The following METTL15 variants were observed in gnomAD, a reference collection of about 807,000 sequenced individuals.
METTL15 encodes the protein methyltransferase 15, mitochondrial 12S rRNA N4-cytidine, also known as 12S rRNA N(4)-cytidine methyltransferase METTL15.
A neutral mutation model predicts 38.3 loss-of-function variants in METTL15; 34 were observed. That is an observed-to-expected ratio of 0.89 (90% CI 0.68 to 1.18). The LOEUF (loss-of-function observed/expected upper bound fraction) is 1.18, where lower values mean the gene tolerates loss of function less well. METTL15 is among the 50% of genes most tolerant of loss of function. The pLI is 0.00. For synonymous variants in METTL15, 162 were observed against 170.9 expected, an observed-to-expected ratio of 0.95 and a Z score of 0.41; for missense variants, 438 against 498.4, an observed-to-expected ratio of 0.88 and a Z score of 1.15.
Position 28,474,110 on chromosome 11 carries a change from A to G in METTL15, c.*424+49746A>G, listed in dbSNP as rs186614743. Among the ~76,000 whole-genome samples the G allele has an allele frequency of 1.1e-4, 16 of 152,190 alleles. No homozygotes were observed. The East Asian group carries it at 2.9e-3, about 28-fold the overall frequency. On this transcript the variant is annotated intron_variant and NMD_transcript_variant, in intron 6 of 7. Coordinates refer to the METTL15 transcript ENST00000532947. ...GAGAGATGCACACAAATACACATGT[A>G]TATACATACTTATAGATGTATAAGT...
intron 3 of METTL15, among the ~76,000 whole-genome samples, chr11:28,169,241 A>T (rs1033981135): frequency 1.3e-5 from 2 of 152,166 alleles, no homozygotes; most frequent in African/African-American, 4.8e-5. Flanking sequence ...AAAAAACTAG[A>T]TAGGGTTATT....
chr11:28,125,490 T>A (rs1181297622), intron 3 of METTL15: 2 of 152,044 alleles, frequency 1.3e-5, no homozygotes, highest in Non-Finnish European at 2.9e-5. Context: ...TGAAATTTTG[T>A]TTCATTTTTT....
At chr11:28,503,790 C>T (rs1426659259) in intron 6 of METTL15, among the ~76,000 whole-genome samples, 1 of 150,774 alleles carries the variant, frequency 6.6e-6, no homozygotes, top group Non-Finnish European at 1.5e-5. Context: ...GGCTCCATCT[C>T]GAGGGGAAAA....
chr11:28,262,377 T>A (rs1006864032), intron 4 of METTL15, among the ~76,000 whole-genome samples: 1 of 150,868 alleles, frequency 6.6e-6, no homozygotes, highest in African/African-American at 2.4e-5. Flanking sequence ...TATATGTGTA[T>A]AGTATAACTG....
intron 6 of METTL15, among the ~76,000 whole-genome samples, chr11:28,499,081 A>G (rs1851559538): frequency 6.6e-6 from 1 of 152,224 alleles, no homozygotes; most frequent in Non-Finnish European, 1.5e-5. Flanking sequence ...AATGAGATCT[A>G]GCTATGATAG....
intron 4 of METTL15, among the ~76,000 whole-genome samples, chr11:28,286,290 G>A (rs1208033329): frequency 1.3e-5 from 2 of 152,122 alleles, no homozygotes; most frequent in Non-Finnish European, 2.9e-5. Flanking sequence ...AAAGTCAGTT[G>A]ATTGTAGATA....
intron 6 of METTL15, among the ~76,000 whole-genome samples, chr11:28,481,810 A>G (rs1468995954): frequency 6.6e-6 from 1 of 152,186 alleles, no homozygotes; most frequent in African/African-American, 2.4e-5. Flanking sequence ...CGCTGGGCTC[A>G]AATACCACTT....
At chr11:28,339,793 T>G (rs901253787) in intron 3 of METTL15, among the ~76,000 whole-genome samples, 2 of 152,092 alleles carry the variant, frequency 1.3e-5, no homozygotes, top group Admixed American at 1.3e-4. Context: ...TCCTGTGAGT[T>G]GAAAGGAAAG....
chr11:28,522,823 A>C (rs1267126758), intron 6 of METTL15, among the ~76,000 whole-genome samples: 2 of 152,250 alleles, frequency 1.3e-5, no homozygotes, highest in Non-Finnish European at 2.9e-5. Context: ...GGAAAGCTAC[A>C]TATGTGTCTG....
chr11:28,516,712 A>G (rs776201494), intron 6 of METTL15: 9 of 152,156 alleles, frequency 5.9e-5, no homozygotes, highest in Non-Finnish European at 1.3e-4. Context: ...GCTTAATCCC[A>G]TATGAGGGAC....
At chr11:28,184,327 C>A (rs1210637037) in intron 3 of METTL15, among the ~76,000 whole-genome samples, 1 of 151,870 alleles carries the variant, frequency 6.6e-6, no homozygotes, top group Non-Finnish European at 1.5e-5. Context: ...GCTATTGCTT[C>A]TCTAGTTCTT....
intron 6 of METTL15, among the ~76,000 whole-genome samples, chr11:28,428,089 T>C (rs1850881324): frequency 6.6e-6 from 1 of 152,242 alleles, no homozygotes; most frequent in South Asian, 2.1e-4. Context: ...AAATGCTTAA[T>C]GACAGGGATA....
chr11:28,133,693 T>A (rs1849415004), intron 3 of METTL15, among the ~76,000 whole-genome samples: 1 of 152,106 alleles, frequency 6.6e-6, no homozygotes, highest in Non-Finnish European at 1.5e-5. Context: ...GAGGCCTATG[T>A]AGAGTGGAAT....
At chr11:28,485,048 T>A (rs1456231015) in intron 6 of METTL15, among the ~76,000 whole-genome samples, 1 of 151,964 alleles carries the variant, frequency 6.6e-6, no homozygotes, top group Non-Finnish European at 1.5e-5. Flanking sequence ...CTCGCTATGA[T>A]GCTAAGTTCC....
chr11:28,416,199 G>A (rs1850770838), intron 5 of METTL15, among the ~76,000 whole-genome samples: 1 of 152,168 alleles, frequency 6.6e-6, no homozygotes, highest in African/African-American at 2.4e-5. Context: ...GCTTCATTCT[G>A]TGCTGCAAGC....
At chr11:28,238,615 G>C (rs1191196148) in intron 4 of METTL15, among the ~76,000 whole-genome samples, 1 of 152,188 alleles carries the variant, frequency 6.6e-6, no homozygotes, top group Non-Finnish European at 1.5e-5. Context: ...TGCACCCACT[G>C]TCCTGCGCCC....
chr11:28,287,408 C>G (rs1234329019), intron 4 of METTL15: 1 of 410,122 alleles, frequency 2.4e-6, no homozygotes, highest in African/African-American at 2.1e-5. Flanking sequence ...GGGCTGATCA[C>G]TCCACACTTG....
chr11:28,348,680 T>TTATG (rs55889001), intron 3 of METTL15, among the ~76,000 whole-genome samples: 5,364 of 145,952 alleles, frequency 0.037, 122 homozygotes, highest in East Asian at 0.073. Context: ...GTCTATCCAT[T>TTATG]TATGTATGTA....
At chr11:28,383,757 G>T (rs898855609) in intron 5 of METTL15, among the ~76,000 whole-genome samples, 1 of 151,966 alleles carries the variant, frequency 6.6e-6, no homozygotes, top group Non-Finnish European at 1.5e-5. Context: ...CCATGTGTAT[G>T]TCTTCTTTTC....
Sources: allele counts gnomAD v4.1 joint callset (sites outside exome capture counted in the v4.1 genomes callset), GRCh38; gene constraint gnomAD v4.1.1; transcripts MANE v1.5; gene names NCBI Gene and HGNC (gene_info 2026-07-23, HGNC 2026-07-21).